The following APP variants were observed in gnomAD, a reference collection of about 807,000 sequenced individuals.
APP encodes amyloid-beta precursor protein.
Under a neutral mutation model 101.4 loss-of-function variants are expected in APP, and 31 were observed. That is an observed-to-expected ratio of 0.31 (90% CI 0.23 to 0.41). The LOEUF (loss-of-function observed/expected upper bound fraction) is 0.41, where lower values mean the gene tolerates loss of function less well. Among genes scored for constraint, APP ranks in the 10% least tolerant of loss-of-function variants. APP has a pLI of 1.00. For synonymous variants in APP, 366 were observed against 364.4 expected (o/e 1.00, Z -0.05); for missense variants, 839 against 1,003.7 (o/e 0.84, Z 2.22).
intron 15 of APP, among the ~76,000 whole-genome samples, chr21:25,903,139 G>A (rs937515214): frequency 6.6e-6 from 1 of 151,956 alleles, no homozygotes; most frequent in African/African-American, 2.4e-5. Context: ...TGCCGAGGTG[G>A]GTGGATCACC....
intron 5 of APP, 90 bp downstream of exon 5, chr21:26,050,910 G>A (rs1302727405): frequency 2.0e-6 from 3 of 1,509,402 alleles, no homozygotes; most frequent in African/African-American, 2.8e-5. Flanking sequence ...GACCTTTTCA[G>A]TGATAAACAG....
At chr21:26,119,851 T>C (rs2062525432) in intron 1 of APP, among the ~76,000 whole-genome samples, 2 of 152,228 alleles carry the variant, frequency 1.3e-5, no homozygotes, top group Admixed American at 1.3e-4. Flanking sequence ...GAGAGTGGTT[T>C]GAATGGCATT....
Position 25,909,413 on chromosome 21 carries a change from T to C in APP, c.1909+2328A>G, listed in dbSNP as rs111396043. ...TGCAAGTTCTATTGCCTCCCAAAAT[T>C]GTTATACCAGATTCTACTGTTCAAA... On this transcript the variant is annotated intron_variant, in intron 14 of 17. Transcript: ENST00000346798. Among the ~76,000 whole-genome samples, 788 of 152,322 alleles carry C rather than the reference T, an allele frequency of 5.2e-3. 7 individuals carry two copies. The highest frequency in any genetic ancestry group is 0.018 in the African/African-American group (743 of 41,564).
At chr21:25,944,254 T>C (rs2040708527) in intron 13 of APP, among the ~76,000 whole-genome samples, 1 of 152,202 alleles carries the variant, frequency 6.6e-6, no homozygotes, top group Admixed American at 6.6e-5. Flanking sequence ...AGTAACGCCC[T>C]GGCCTTGACC....
At chr21:25,976,860 G>T (rs1375511360) in intron 9 of APP, among the ~76,000 whole-genome samples, 5 of 152,110 alleles carry the variant, frequency 3.3e-5, no homozygotes, top group Non-Finnish European at 7.4e-5. Flanking sequence ...GTATCATTAT[G>T]GGGGGAGTGG....
intron 1 of APP, among the ~76,000 whole-genome samples, chr21:26,148,250 T>C (rs2063193269): frequency 6.6e-6 from 1 of 152,166 alleles, no homozygotes; most frequent in Admixed American, 6.5e-5. Context: ...TTTTCAAAGC[T>C]AGCAGGCAGG....
chr21:26,031,539 AT>A (rs1162075437), intron 5 of APP, among the ~76,000 whole-genome samples: 1 of 152,174 alleles, frequency 6.6e-6, no homozygotes, highest in Non-Finnish European at 1.5e-5. Flanking sequence ...GGTGAAAGGC[AT>A]TTCTTACATG....
chr21:26,049,289 G>T (rs1365850135), intron 5 of APP, among the ~76,000 whole-genome samples: 2 of 152,156 alleles, frequency 1.3e-5, no homozygotes, highest in Non-Finnish European at 2.9e-5. Context: ...ATAGAAGAAG[G>T]TACAAGAGTT....
At chr21:26,116,543 CAA>C (rs1323472103) in intron 1 of APP, among the ~76,000 whole-genome samples, 1 of 152,124 alleles carries the variant, frequency 6.6e-6, no homozygotes, top group South Asian at 2.1e-4. Context: ...TCCCTTTCTC[CAA>C]AAAGTTTCTC....
chr21:25,884,909 C>G (rs534848995), intron 17 of APP, among the ~76,000 whole-genome samples: 58 of 152,352 alleles, frequency 3.8e-4, no homozygotes, highest in Admixed American at 1.7e-3. Flanking sequence ...TCTTCAAACT[C>G]CAAAGCCTAA....
intron 3 of APP, among the ~76,000 whole-genome samples, chr21:26,057,473 C>CCACACACACA (rs71855086): frequency 6.7e-6 from 1 of 149,066 alleles, no homozygotes; most frequent in African/African-American, 2.4e-5. Flanking sequence ...ATGTCACACA[C>CCACACACACA]CACACACACA....
chr21:26,101,002 G>A (rs2062042472), intron 2 of APP, among the ~76,000 whole-genome samples: 1 of 150,776 alleles, frequency 6.6e-6, no homozygotes, highest in African/African-American at 2.4e-5. Context: ...GAAGCCCCTA[G>A]ACCCTAGCCC....
At chr21:26,043,706 G>A (rs1364658392) in intron 5 of APP, among the ~76,000 whole-genome samples, 1 of 152,174 alleles carries the variant, frequency 6.6e-6, no homozygotes, top group African/African-American at 2.4e-5. Context: ...CCTGCATCAG[G>A]TTGTACAGGC....
intron 7 of APP, among the ~76,000 whole-genome samples, chr21:25,998,811 T>G (rs140921683): frequency 6.6e-6 from 1 of 152,154 alleles, no homozygotes; most frequent in African/African-American, 2.4e-5. Flanking sequence ...AATAAATAAA[T>G]AAATAAGCAC....
At chr21:26,044,096 A>G (rs992658504) in intron 5 of APP, among the ~76,000 whole-genome samples, 3 of 152,232 alleles carry the variant, frequency 2.0e-5, no homozygotes, top group African/African-American at 7.2e-5. Flanking sequence ...TGCAATAGGG[A>G]AATTATCACA....
Position 25,892,174 on chromosome 21 carries a change from G to A in APP, c.2065-306C>T, listed in dbSNP as rs536228599. ...TCTACTTTCCCCACAGGTCAAAACC[G>A]AAGTCTGCAGGGACCTGAAACCCTT... On this transcript the variant is annotated intron_variant, in intron 16 of 17. Transcript: ENST00000346798. Among the ~76,000 whole-genome samples the A allele has an allele frequency of 8.6e-5, 13 of 151,674 alleles. 1 individual carries two copies. In the South Asian group the frequency reaches 1.2e-3, roughly 15 times the overall value.
intron 1 of APP, among the ~76,000 whole-genome samples, chr21:26,130,368 G>A (rs1453190298): frequency 1.3e-5 from 2 of 152,208 alleles, no homozygotes; most frequent in African/African-American, 4.8e-5. Context: ...AGCTTCTATA[G>A]TGTCTCTCTG....
intron 13 of APP, among the ~76,000 whole-genome samples, chr21:25,936,902 T>C (rs1004617027): frequency 3.9e-5 from 6 of 152,120 alleles, no homozygotes; most frequent in African/African-American, 1.2e-4. Context: ...CTGAAGGCAA[T>C]AGCTGAATCT....
intron 8 of APP, among the ~76,000 whole-genome samples, chr21:25,995,063 G>A (rs1363928415): frequency 6.6e-6 from 1 of 151,884 alleles, no homozygotes; most frequent in East Asian, 1.9e-4. Context: ...AAAATTACTG[G>A]GAAGGAGAAA....
Sources: gnomAD v4.1 joint callset for allele counts (sites outside exome capture counted in the v4.1 genomes callset) on GRCh38, gnomAD v4.1.1 for gene constraint, MANE v1.5 for transcripts, NCBI Gene and HGNC (gene_info 2026-07-23, HGNC 2026-07-21) for gene names.